Variants in KIAA1958 observed in about 807,000 individuals in gnomAD.
KIAA1958 encodes the protein KIAA1958.
Under a neutral mutation model 47.2 loss-of-function variants are expected in KIAA1958, and 14 were observed. The observed-to-expected ratio is 0.30, with a 90% CI of 0.20 to 0.46. The LOEUF is 0.46. Among genes scored for constraint, KIAA1958 ranks in the 20% least tolerant of loss-of-function variants. The pLI is 1.00. For missense variants in KIAA1958, 803 were observed against 909.2 expected, an observed-to-expected ratio of 0.88 and a Z score of 1.50; for synonymous variants, 354 against 353.3, an observed-to-expected ratio of 1.00 and a Z score of -0.02.
In KIAA1958 at chr9:112,535,599, G is replaced by T. The variant is rs570544736; in HGVS notation, c.-24-38458G>T. ...TTCATTTCCTTTGGATATATGCCCA[G>T]AAGTAGAATTGCTGGATCATATGGG... On this transcript the variant is annotated intron_variant, in intron 1 of 3. Coordinates refer to ENST00000337530, the MANE Select transcript of KIAA1958 (RefSeq NM_133465.4). Among the ~76,000 whole-genome samples, 3 of 152,212 alleles carry T rather than the reference G, an allele frequency of 2.0e-5. No homozygotes were observed. In the South Asian group the frequency reaches 6.2e-4, roughly 32 times the overall value.
intron 3 of KIAA1958, among the ~76,000 whole-genome samples, chr9:112,646,483 G>A (rs1836977300): frequency 6.6e-6 from 1 of 152,156 alleles, no homozygotes. Flanking sequence ...TAATGAAAGT[G>A]GTATTTTAGG....
At chr9:112,494,920 T>A (rs1834026252) in intron 1 of KIAA1958, among the ~76,000 whole-genome samples, 1 of 152,198 alleles carries the variant, frequency 6.6e-6, no homozygotes, top group Non-Finnish European at 1.5e-5. Context: ...TTCTGATGTA[T>A]GCTGTTCTTC....
rs1160930660 is a variant in KIAA1958, at chr9:112,609,617, T to C, written c.1171+34366T>C. ...CTCAAGCTGGAGTGCAGTGGCATGATCATGACTCACTGCAGTCTCAACCTC... is the reference window on the plus strand; with the variant it reads ...CTCAAGCTGGAGTGCAGTGGCATGACCATGACTCACTGCAGTCTCAACCTC... On this transcript the variant is annotated intron_variant, in intron 2 of 3. Transcript: ENST00000337530. 3.3e-5 allele frequency among the ~76,000 whole-genome samples: 5 copies of C among 152,154 alleles called. No homozygotes were observed. The East Asian group carries it at 9.6e-4, about 29-fold the overall frequency.
chr9:112,574,926 G>A lies in KIAA1958; in HGVS notation c.846G>A (p.Gln282=). The A allele has an allele frequency of 6.2e-6, 10 of 1,614,046 alleles. No homozygotes were observed. Among genetic ancestry groups the A allele is most frequent in the Non-Finnish European group, 8.5e-6 (10 of 1,179,984 alleles). ...CTGTGATCTCCAGACCAATTGTCCA[G>A]AAGACTGCTAGGGTATCTCTGGCTT... is the stretch of plus-strand genomic sequence containing the variant. ...SPSVISRPIV[Q]KTARVSLASP... The change falls in exon 2 of 4, where the codon CAG becomes CAA. Residue 282 remains glutamine, a synonymous_variant. Coordinates refer to ENST00000337530, the MANE Select transcript of KIAA1958 (RefSeq NM_133465.4).
intron 1 of KIAA1958, among the ~76,000 whole-genome samples, chr9:112,558,334 G>A (rs3860171): frequency 0.31 from 42,360 of 137,150 alleles, 5,943 homozygotes; most frequent in Middle Eastern, 0.41. Flanking sequence ...AAATGGTGTA[G>A]TATTAATTGT....
intron 1 of KIAA1958, among the ~76,000 whole-genome samples, chr9:112,536,045 C>T (rs996446882): frequency 9.9e-5 from 15 of 152,206 alleles, no homozygotes; most frequent in African/African-American, 3.6e-4. Context: ...CCATTCTCAT[C>T]TCCGCTCTGT....
At chr9:112,518,867 GAA>G (rs200307410) in intron 1 of KIAA1958, among the ~76,000 whole-genome samples, 14 of 135,384 alleles carry the variant, frequency 1.0e-4, no homozygotes, top group Admixed American at 8.7e-4. Context: ...GGGAGCTAAA[GAA>G]AAAAAAAAAA....
rs143227507 is a variant in KIAA1958, at chr9:112,665,424, G to A, written c.*5355G>A. ...TTTACTTATTGAGAATCTAGGCTCA[G>A]AGGAGTTAAAATTCTGAAAATCTCA... is the stretch of plus-strand genomic sequence containing the variant. On this transcript the variant is annotated 3_prime_UTR_variant, in exon 4 of 4. Transcript: ENST00000337530. 1.3e-5 allele frequency: 2 copies of A among 152,312 alleles called. No homozygotes were observed. The highest frequency in any genetic ancestry group is 4.8e-5 in the African/African-American group (2 of 41,568). The allele number at this position is 152,312 out of a possible 1,614,324, so 9.4% of individuals were successfully genotyped here.
chr9:112,587,230 AC>A (rs1271871706), intron 2 of KIAA1958, among the ~76,000 whole-genome samples: 1 of 151,980 alleles, frequency 6.6e-6, no homozygotes, highest in Non-Finnish European at 1.5e-5. Context: ...ACTCACTGCA[AC>A]CCCCGCCTCC....
intron 1 of KIAA1958, among the ~76,000 whole-genome samples, chr9:112,530,188 G>A (rs1236718523): frequency 6.6e-6 from 1 of 152,000 alleles, no homozygotes; most frequent in African/African-American, 2.4e-5. Flanking sequence ...AAATTATTTG[G>A]CATTCTTCTG....
rs530479004 is a variant in KIAA1958, at chr9:112,650,904, A to C, written c.1344+5082A>C. Among the ~76,000 whole-genome samples, 98 of 152,378 alleles carry C rather than the reference A, an allele frequency of 6.4e-4. 1 individual carries two copies. Among genetic ancestry groups the C allele is most frequent in the East Asian group, 7.7e-4 (4 of 5,192 alleles). ...CCTGAAGTAGCTGTTAATATCACAC[A>C]AGGTAGAATTCCACAGAAGGAATTT... On this transcript the variant is annotated intron_variant, in intron 3 of 3. Transcript: ENST00000337530.
chr9:112,532,405 A>G (rs955966402), intron 1 of KIAA1958, among the ~76,000 whole-genome samples: 1 of 152,242 alleles, frequency 6.6e-6, no homozygotes, highest in Non-Finnish European at 1.5e-5. Context: ...TCCTTAAACC[A>G]GAGGAAAACT....
intron 2 of KIAA1958, among the ~76,000 whole-genome samples, chr9:112,589,995 A>T (rs1365214239): frequency 6.6e-6 from 1 of 152,146 alleles, no homozygotes; most frequent in African/African-American, 2.4e-5. Context: ...GTTGTCCCTG[A>T]GCCCGGAGCC....
chr9:112,552,995 T>G (rs1835181396), intron 1 of KIAA1958, among the ~76,000 whole-genome samples: 1 of 152,056 alleles, frequency 6.6e-6, no homozygotes, highest in Non-Finnish European at 1.5e-5. Context: ...AGAGATGGCA[T>G]TGGTTAGTAG....
intron 1 of KIAA1958, among the ~76,000 whole-genome samples, chr9:112,568,628 A>T (rs1835471052): frequency 6.6e-6 from 1 of 152,138 alleles, no homozygotes; most frequent in South Asian, 2.1e-4. Flanking sequence ...CAAGCCTGAA[A>T]TCCCAGCACT....
At chr9:112,490,709 G>C (rs1833953630) in intron 1 of KIAA1958, among the ~76,000 whole-genome samples, 1 of 152,190 alleles carries the variant, frequency 6.6e-6, no homozygotes. Context: ...TCTGGAGAAA[G>C]GCAAATTATG....
chr9:112,590,308 A>G (rs1042118431), intron 2 of KIAA1958, among the ~76,000 whole-genome samples: 1 of 150,564 alleles, frequency 6.6e-6, no homozygotes, highest in Non-Finnish European at 1.5e-5. Flanking sequence ...TAGAATCCTC[A>G]TGAGGTGACA....
At chr9:112,522,742 C>G (rs1350794901) in intron 1 of KIAA1958, among the ~76,000 whole-genome samples, 2 of 152,154 alleles carry the variant, frequency 1.3e-5, no homozygotes, top group Admixed American at 6.5e-5. Context: ...AGCCCCTTTA[C>G]CCAGCCCTGA....
intron 2 of KIAA1958, among the ~76,000 whole-genome samples, chr9:112,598,985 G>A (rs1836082406): frequency 6.6e-6 from 1 of 152,166 alleles, no homozygotes; most frequent in Non-Finnish European, 1.5e-5. Context: ...GGAAGACTGA[G>A]ACAGGAGGAT....
Sources: allele counts gnomAD v4.1 joint callset (sites outside exome capture counted in the v4.1 genomes callset), GRCh38; gene constraint gnomAD v4.1.1; transcripts MANE v1.5; gene names NCBI Gene and HGNC (gene_info 2026-07-23, HGNC 2026-07-21).